Variants in MYT1 observed in about 807,000 individuals in gnomAD.
MYT1 encodes the protein myelin transcription factor 1.
A neutral mutation model predicts 123.0 loss-of-function variants in MYT1; 23 were observed. That is an observed-to-expected ratio of 0.19 (90% confidence interval 0.13 to 0.26). MYT1 has a LOEUF of 0.26. Ranked by LOEUF, MYT1 falls within the 10% of genes least tolerant of loss-of-function variation. The probability of loss-of-function intolerance (pLI) is 1.00; values close to 1 mark genes in which losing one functional copy is unlikely to be tolerated. For missense variants in MYT1, 1,125 were observed against 1,472.5 expected (o/e 0.76, Z 3.86); for synonymous variants, 518 against 575.3 (o/e 0.90, Z 1.43).
chr20:64,230,405 C>CGGGA (rs1380711000), intron 18 of MYT1, among the ~76,000 whole-genome samples: 2 of 152,112 alleles, frequency 1.3e-5, no homozygotes, highest in African/African-American at 4.8e-5. Flanking sequence ...CCCAGCTACT[C>CGGGA]GGGAGGCTGA....
chr20:64,215,771 T>C (rs139608551), intron 10 of MYT1, among the ~76,000 whole-genome samples: 1 of 150,354 alleles, frequency 6.7e-6, no homozygotes, highest in Non-Finnish European at 1.5e-5. Context: ...TTTTTTTTTT[T>C]TCTTTTTTTT....
intron 21 of MYT1, among the ~76,000 whole-genome samples, chr20:64,239,298 C>T (rs892564199): frequency 6.6e-6 from 1 of 152,046 alleles, no homozygotes; most frequent in Non-Finnish European, 1.5e-5. Context: ...TGACACTCCA[C>T]GGGGGGGTGC....
intron 22 of MYT1, among the ~76,000 whole-genome samples, 187 bp downstream of exon 22, chr20:64,240,090 T>G (rs1485795966): frequency 1.3e-5 from 2 of 152,184 alleles, no homozygotes. Context: ...GCCACCATAA[T>G]GAGTAGCTGC....
chr20:64,176,336 C>G, intron 1 of MYT1, among the ~76,000 whole-genome samples: 1 of 131,182 alleles, frequency 7.6e-6, no homozygotes, highest in African/African-American at 3.1e-5. Flanking sequence ...GGCTTCTCCT[C>G]CTGCAGCATC....
At position 64,212,209 on chromosome 20, in the gene MYT1, TGGTGGGGGCCAGGGTGGGGGCC is replaced by T. The variant is rs1568712934; in HGVS notation, c.1517+73_1517+94del. 100 of 33,734 alleles carry T rather than the reference TGGTGGGGGCCAGGGTGGGGGCC, an allele frequency of 3.0e-3. 2 individuals carry two copies. Among genetic ancestry groups the T allele is most frequent in the African/African-American group, 0.01 (85 of 8,130 alleles). The allele number at this position is 33,734 out of a possible 1,614,324, so 2.1% of individuals were successfully genotyped here. On this transcript the variant is annotated intron_variant, in intron 9 of 22. Coordinates refer to ENST00000328439, the MANE Select transcript of MYT1 (RefSeq NM_004535.3). This position sits in a 1 kb window ranked among gnomAD's most constrained non-coding sequence, Gnocchi z 6.8. Reference sequence around the variant, plus strand: ...GTGGTGGGGGCCAGGGTGGGGGCCGTGGTGGGGGCCAGGGTGGGGGCCGTGGTGGGGGCCAGGGTGGGGGCCG... The same window carrying T: ...GTGGTGGGGGCCAGGGTGGGGGCCGTGTGGTGGGGGCCAGGGTGGGGGCCG...
At chr20:64,182,853 T>C (rs1982692781) in intron 1 of MYT1, among the ~76,000 whole-genome samples, 1 of 152,204 alleles carries the variant, frequency 6.6e-6, no homozygotes, top group African/African-American at 2.4e-5. Context: ...TCACTGACCA[T>C]CCACATGCCA....
Position 64,241,591 on chromosome 20 carries a change from C to A in MYT1, c.*1143C>A, listed in dbSNP as rs1395890064. 6.6e-6 allele frequency: 1 copy of A among 152,398 alleles called. No homozygotes were observed. The highest frequency in any genetic ancestry group is 1.5e-5 in the Non-Finnish European group (1 of 68,008). The allele number at this position is 152,398 out of a possible 1,614,324, so 9.4% of individuals were successfully genotyped here. A position where few individuals can be genotyped will look rare whatever the true frequency, so the allele number is the denominator to read the frequency against. On this transcript the variant is annotated 3_prime_UTR_variant, in exon 23 of 23. Transcript: ENST00000328439. The surrounding 1 kb of genome is among the most constrained non-coding windows in gnomAD (Gnocchi z 4.2). ...AAGATGTAAGTATTTATATTCACAG[C>A]CTCTTATGTTAACGTTTGCTATTTA...
At chr20:64,177,793 C>T (rs1031921736) in intron 1 of MYT1, among the ~76,000 whole-genome samples, 1 of 152,180 alleles carries the variant, frequency 6.6e-6, no homozygotes, top group Non-Finnish European at 1.5e-5. Flanking sequence ...TCCCCTCAGC[C>T]CCATGGGACC....
rs899928118 is a variant in MYT1, at chr20:64,203,041, T to G, written c.87-1994T>G. Among the ~76,000 whole-genome samples the G allele has an allele frequency of 6.6e-6, 1 of 152,172 alleles. No individual in the cohort carries two copies. Among genetic ancestry groups the G allele is most frequent in the Non-Finnish European group, 1.5e-5 (1 of 68,018 alleles). On this transcript the variant is annotated intron_variant, in intron 4 of 22. Coordinates refer to ENST00000328439, the MANE Select transcript of MYT1 (RefSeq NM_004535.3). This position sits in a 1 kb window ranked among gnomAD's most constrained non-coding sequence, Gnocchi z 5.1. ...GGCCCTGGCTGGGTCTCTTGTCCAC[T>G]CGGCTGTGGGGTGGGGAGCAGGCAT...
intron 19 of MYT1, among the ~76,000 whole-genome samples, chr20:64,234,826 C>G (rs796357671): frequency 1.5e-5 from 1 of 67,540 alleles, no homozygotes; most frequent in Non-Finnish European, 2.8e-5. Flanking sequence ...TGGGTGACCC[C>G]GAGCTGGCTG....
rs1017611181 is a variant in MYT1, at chr20:64,203,054, G to A, written c.87-1981G>A. ...TCTCTTGTCCACTCGGCTGTGGGGT[G>A]GGGAGCAGGCATCTAAGGGGTTTCC... On this transcript the variant is annotated intron_variant, in intron 4 of 22. Transcript: ENST00000328439. The surrounding 1 kb of genome is among the most constrained non-coding windows in gnomAD (Gnocchi z 5.1). 2.6e-5 allele frequency among the ~76,000 whole-genome samples: 4 copies of A among 152,206 alleles called. No individual in the cohort carries two copies. Among genetic ancestry groups the A allele is most frequent in the Admixed American group, 6.5e-5 (1 of 15,294 alleles).
chr20:64,176,651 A>T (rs1013984108), intron 1 of MYT1, among the ~76,000 whole-genome samples: 1 of 152,220 alleles, frequency 6.6e-6, no homozygotes, highest in African/African-American at 2.4e-5. Flanking sequence ...CCAGAAGGAA[A>T]AGCTGTGTGT....
chr20:64,192,336 A>G lies in MYT1; in HGVS notation c.-1+2176A>G, dbSNP rs115177374. On this transcript the variant is annotated intron_variant, in intron 2 of 22. Transcript: ENST00000328439. This position sits in a 1 kb window ranked among gnomAD's most constrained non-coding sequence, Gnocchi z 5.3. ...TGAGAAAGGGTCGACTGCCTAGAGG[A>G]CAGTGGGGCAGCAGGTGCAAGTAGA... Among the ~76,000 whole-genome samples, 165 of 152,284 alleles carry G rather than the reference A, an allele frequency of 1.1e-3. No individual in the cohort carries two copies. Among genetic ancestry groups the G allele is most frequent in the African/African-American group, 3.8e-3 (159 of 41,552 alleles).
chr20:64,198,665 T>C (rs968378574), intron 2 of MYT1, among the ~76,000 whole-genome samples, 197 bp from the exon 3 acceptor site: 1 of 152,210 alleles, frequency 6.6e-6, no homozygotes, highest in Non-Finnish European at 1.5e-5. Flanking sequence ...TAGAAGGTCC[T>C]TTCTCTACAC....
rs1983350814 is a variant in MYT1, at chr20:64,202,372, T to C, written c.86+2450T>C. ...GTTTCAGCTTGTATTTTTGCCTGGGTCCATCTGTTGTCACATGGCCTCAGA... is the reference window on the plus strand; with the variant it reads ...GTTTCAGCTTGTATTTTTGCCTGGGCCCATCTGTTGTCACATGGCCTCAGA... On this transcript the variant is annotated intron_variant, in intron 4 of 22. Transcript: ENST00000328439. This position sits in a 1 kb window ranked among gnomAD's most constrained non-coding sequence, Gnocchi z 5.0. Among the ~76,000 whole-genome samples the C allele has an allele frequency of 2.0e-5, 3 of 152,242 alleles. No homozygotes were observed. In the South Asian group the frequency reaches 6.2e-4, roughly 32 times the overall value.
chr20:64,180,280 C>T (rs913537224), intron 1 of MYT1, among the ~76,000 whole-genome samples: 14 of 152,356 alleles, frequency 9.2e-5, no homozygotes, highest in South Asian at 8.3e-4. Context: ...CTCCATCTAT[C>T]GATGTTTATT....
rs998725598 is a variant in MYT1, at chr20:64,231,124, G to A, written c.2676-1040G>A. Among the ~76,000 whole-genome samples, 7 of 151,506 alleles carry A rather than the reference G, an allele frequency of 4.6e-5. No individual in the cohort carries two copies. The highest frequency in any genetic ancestry group is 4.6e-4 in the Admixed American group (7 of 15,220). ...TATGCCCATGAATCTCCTCGTAAATGGAGCCATGGTGACCTCTCGGGGTCT... is the reference window on the plus strand; with the variant it reads ...TATGCCCATGAATCTCCTCGTAAATAGAGCCATGGTGACCTCTCGGGGTCT... On this transcript the variant is annotated intron_variant, in intron 18 of 22. Transcript: ENST00000328439. This position sits in a 1 kb window ranked among gnomAD's most constrained non-coding sequence, Gnocchi z 6.4.
chr20:64,192,953 A>G lies in MYT1; in HGVS notation c.-1+2793A>G, dbSNP rs181416222. Among the ~76,000 whole-genome samples the G allele has an allele frequency of 2.4e-4, 36 of 152,332 alleles. No individual in the cohort carries two copies. The highest frequency in any genetic ancestry group is 4.4e-5 in the Non-Finnish European group (3 of 68,034). On this transcript the variant is annotated intron_variant, in intron 2 of 22. Coordinates refer to ENST00000328439, the MANE Select transcript of MYT1 (RefSeq NM_004535.3). The surrounding 1 kb of genome is among the most constrained non-coding windows in gnomAD (Gnocchi z 5.3). ...TGGCTGCTTCATCAGGGTATCCATT[A>G]TGTAGCTCTAATTTTTGATTTGGGA...
chr20:64,222,708 C>G (rs1382441806), intron 14 of MYT1, among the ~76,000 whole-genome samples: 2 of 152,212 alleles, frequency 1.3e-5, no homozygotes, highest in African/African-American at 4.8e-5. Context: ...CCTCTTCTCC[C>G]CAACCTGAAC....
Sources: gnomAD v4.1 joint callset for allele counts (sites outside exome capture counted in the v4.1 genomes callset) on GRCh38, gnomAD v4.1.1 for gene constraint, Gnocchi (gnomAD v3.1) non-coding constraint, MANE v1.5 for transcripts, NCBI Gene and HGNC (gene_info 2026-07-23, HGNC 2026-07-21) for gene names.